CSMD1: variants seen among roughly 807,000 people sequenced by gnomAD.
The protein encoded by CSMD1 is CUB and sushi domain-containing protein 1.
CSMD1 carries 213 observed loss-of-function variants against 417.5 expected under a neutral mutation model. That is an observed-to-expected ratio of 0.51 (90% CI 0.46 to 0.57). CSMD1 has a LOEUF of 0.57. Ranked by LOEUF, CSMD1 falls within the 20% of genes least tolerant of loss-of-function variation. The pLI is 0.00. For synonymous variants in CSMD1, 2,862 were observed against 1,736.8 expected (o/e 1.65, Z -16.11); for missense variants, 6,923 against 4,529.7 (o/e 1.53, Z -15.17).
chr8:4,423,850 G>A (rs1315546931), intron 2 of CSMD1, among the ~76,000 whole-genome samples: 3 of 151,872 alleles, frequency 2.0e-5, no homozygotes, highest in East Asian at 1.9e-4. Flanking sequence ...ATTTGGTATC[G>A]GCAGATTGGC....
intron 3 of CSMD1, among the ~76,000 whole-genome samples, chr8:4,219,453 C>A (rs955256564): frequency 3.3e-5 from 5 of 152,148 alleles, no homozygotes; most frequent in African/African-American, 9.7e-5. Context: ...CATACCCGAA[C>A]CTCTCTCTTG....
chr8:3,534,155 C>T (rs897477358), intron 10 of CSMD1, among the ~76,000 whole-genome samples: 2 of 152,184 alleles, frequency 1.3e-5, no homozygotes, highest in African/African-American at 4.8e-5. Context: ...AACAAATACC[C>T]TTGAAGTAAT....
chr8:4,388,653 A>G (rs975434832), intron 3 of CSMD1, among the ~76,000 whole-genome samples: 1 of 152,268 alleles, frequency 6.6e-6, no homozygotes, highest in Non-Finnish European at 1.5e-5. Flanking sequence ...CCATTAAAAA[A>G]CTTACCTATG....
intron 3 of CSMD1, among the ~76,000 whole-genome samples, chr8:4,256,754 G>A (rs896508810): frequency 1.3e-5 from 2 of 152,126 alleles, no homozygotes; most frequent in African/African-American, 4.8e-5. Context: ...GAGGTACAGG[G>A]CAGTGCCCTG....
At chr8:3,782,790 G>T (rs771535218) in intron 5 of CSMD1, among the ~76,000 whole-genome samples, 1 of 152,132 alleles carries the variant, frequency 6.6e-6, no homozygotes, top group African/African-American at 2.4e-5. Context: ...AGGAATTAAA[G>T]ATAACAAATG....
intron 2 of CSMD1, among the ~76,000 whole-genome samples, chr8:4,448,794 G>A (rs937299696): frequency 3.3e-5 from 5 of 152,144 alleles, no homozygotes; most frequent in African/African-American, 4.8e-5. Flanking sequence ...GTCATCTGCA[G>A]AAGGAGACAG....
At chr8:4,192,603 G>C (rs1799093291) in intron 3 of CSMD1, among the ~76,000 whole-genome samples, 1 of 152,202 alleles carries the variant, frequency 6.6e-6, no homozygotes, top group Non-Finnish European at 1.5e-5. Context: ...GCCCTATAAT[G>C]AGAACAGGTT....
chr8:3,995,376 C>T (rs956322715), intron 5 of CSMD1, among the ~76,000 whole-genome samples: 1 of 145,416 alleles, frequency 6.9e-6, no homozygotes, highest in African/African-American at 2.4e-5. Flanking sequence ...GTTACACATA[C>T]ACACAAAACA....
chr8:2,975,591 C>T (rs559680671), intron 55 of CSMD1, among the ~76,000 whole-genome samples: 2 of 152,264 alleles, frequency 1.3e-5, no homozygotes, highest in East Asian at 1.9e-4. Flanking sequence ...ATTGGAGAAC[C>T]GGATTTTATC....
chr8:4,142,126 T>C (rs7830462), intron 3 of CSMD1, among the ~76,000 whole-genome samples: 19,029 of 151,022 alleles, frequency 0.13, 2,494 homozygotes, highest in East Asian at 0.28. Context: ...TTAGCAGATA[T>C]CCACATATGT....
chr8:3,143,156 T>C (rs1370138282), intron 40 of CSMD1, among the ~76,000 whole-genome samples: 2 of 152,226 alleles, frequency 1.3e-5, no homozygotes, highest in Non-Finnish European at 2.9e-5. Context: ...GAGTTTTTTT[T>C]GTTTTTATTT....
intron 3 of CSMD1, among the ~76,000 whole-genome samples, chr8:4,348,360 T>G (rs1800896006): frequency 6.6e-6 from 1 of 152,036 alleles, no homozygotes; most frequent in South Asian, 2.1e-4. Context: ...TCCACCCAAG[T>G]GTACTACGCT....
intron 5 of CSMD1, among the ~76,000 whole-genome samples, chr8:3,856,559 C>A (rs1804327249): frequency 6.6e-6 from 1 of 152,166 alleles, no homozygotes; most frequent in Non-Finnish European, 1.5e-5. Flanking sequence ...TCATGCGGCA[C>A]TGGGGCCTGA....
At chr8:4,333,545 G>A (rs1268965870) in intron 3 of CSMD1, among the ~76,000 whole-genome samples, 1 of 152,108 alleles carries the variant, frequency 6.6e-6, no homozygotes, top group African/African-American at 2.4e-5. Flanking sequence ...GAAATCATCA[G>A]GATATGCACA....
intron 2 of CSMD1, among the ~76,000 whole-genome samples, chr8:4,447,655 G>A (rs1585091588): frequency 6.6e-6 from 1 of 152,152 alleles, no homozygotes; most frequent in African/African-American, 2.4e-5. Flanking sequence ...GGAAAAGGAA[G>A]GAATGGTTTC....
At chr8:3,424,200 C>T (rs1585144112) in intron 12 of CSMD1, among the ~76,000 whole-genome samples, 2 of 151,936 alleles carry the variant, frequency 1.3e-5, no homozygotes, top group African/African-American at 4.8e-5. Context: ...TTGTTTAGTA[C>T]AGGAAGCTCA....
At chr8:4,559,788 C>T (rs1798302179) in intron 2 of CSMD1, among the ~76,000 whole-genome samples, 4 of 152,204 alleles carry the variant, frequency 2.6e-5, no homozygotes, top group Admixed American at 2.6e-4. Flanking sequence ...GTGCATTTTC[C>T]ACCTGAGACA....
chr8:3,781,848 T>C (rs955358708), intron 5 of CSMD1, among the ~76,000 whole-genome samples: 1 of 152,228 alleles, frequency 6.6e-6, no homozygotes, highest in Non-Finnish European at 1.5e-5. Flanking sequence ...CCTAGATTCA[T>C]TTGTTCAATG....
At chr8:4,156,741 T>C (rs1448359730) in intron 3 of CSMD1, among the ~76,000 whole-genome samples, 1 of 152,154 alleles carries the variant, frequency 6.6e-6, no homozygotes, top group Non-Finnish European at 1.5e-5. Context: ...CAGTGACAGC[T>C]TCAACCTTTG....
Sources: allele counts gnomAD v4.1 joint callset (sites outside exome capture counted in the v4.1 genomes callset), GRCh38; gene constraint gnomAD v4.1.1; transcripts MANE v1.5; gene names NCBI Gene and HGNC (gene_info 2026-07-23, HGNC 2026-07-21).